PKN2: variants seen among roughly 807,000 people sequenced by gnomAD.
PKN2 encodes serine/threonine-protein kinase N2.
PKN2 carries 38 observed loss-of-function variants against 119.1 expected under a neutral mutation model. The ratio of observed to expected loss-of-function variants is 0.32; its 90% CI spans 0.25 to 0.42. PKN2 has a LOEUF of 0.42. Among genes scored for constraint, PKN2 ranks in the 10% least tolerant of loss-of-function variants. The pLI is 1.00. For synonymous variants in PKN2, 390 were observed against 384.9 expected, an observed-to-expected ratio of 1.01 and a Z score of -0.15; for missense variants, 850 against 1,165.1, an observed-to-expected ratio of 0.73 and a Z score of 3.94.
chr1:88,730,942 C>G (rs1389181880), intron 1 of PKN2, among the ~76,000 whole-genome samples: 1 of 152,228 alleles, frequency 6.6e-6, no homozygotes, highest in Non-Finnish European at 1.5e-5. Context: ...CATAACACAA[C>G]ATTCTAACTG....
intron 8 of PKN2, among the ~76,000 whole-genome samples, chr1:88,793,808 A>T (rs1570640275): frequency 1.3e-5 from 2 of 152,186 alleles, no homozygotes; most frequent in East Asian, 1.9e-4. Context: ...ATAAATTATT[A>T]TACTGTATTG....
chr1:88,744,673 G>A (rs1401599227), intron 2 of PKN2, among the ~76,000 whole-genome samples: 1 of 152,110 alleles, frequency 6.6e-6, no homozygotes, highest in Non-Finnish European at 1.5e-5. Flanking sequence ...CGCCCACCTC[G>A]GCTTCCCAAA....
Position 88,773,962 on chromosome 1 carries a change from A to T in PKN2, c.985+2083A>T, listed in dbSNP as rs536153000. ...GTTTCCAAGGCTACATGCACTCCTG[A>T]CCAACTGTCTACAGATTCCAGGATT... On this transcript the variant is annotated intron_variant, in intron 6 of 21. Coordinates refer to ENST00000370521, the MANE Select transcript of PKN2 (RefSeq NM_006256.4). 4.1e-4 allele frequency among the ~76,000 whole-genome samples: 62 copies of T among 152,292 alleles called. 1 individual carries two copies. The South Asian group carries it at 7.5e-3, about 18-fold the overall frequency.
intron 15 of PKN2, among the ~76,000 whole-genome samples, chr1:88,807,996 T>G (rs997991618): frequency 6.6e-6 from 1 of 152,158 alleles, no homozygotes; most frequent in African/African-American, 2.4e-5. Context: ...CAAAAAAAGA[T>G]AGTGAAATGT....
At chr1:88,687,671 T>G (rs1666157676) in intron 1 of PKN2, among the ~76,000 whole-genome samples, 1 of 152,190 alleles carries the variant, frequency 6.6e-6, no homozygotes, top group Admixed American at 6.5e-5. Context: ...TAAATTCCAT[T>G]CTCAGCAGAT....
chr1:88,737,509 G>A (rs1668402011), intron 1 of PKN2, among the ~76,000 whole-genome samples: 1 of 152,208 alleles, frequency 6.6e-6, no homozygotes, highest in Admixed American at 6.5e-5. Context: ...AAGAATAATG[G>A]GGTCCCAGTC....
intron 1 of PKN2, among the ~76,000 whole-genome samples, chr1:88,704,518 G>A (rs1280723674): frequency 6.6e-6 from 1 of 152,092 alleles, no homozygotes; most frequent in Non-Finnish European, 1.5e-5. Flanking sequence ...AGAGAAAAAT[G>A]GCTAAAACAT....
Position 88,813,548 on chromosome 1 carries a change from C to G in PKN2, c.2103-9C>G, listed in dbSNP as rs375621697. ...TAATCTGCTTATTTTAAAATATTTTCTTTTACAGCCTGATGTGTGAAAAAA... is the reference window on the plus strand; with the variant it reads ...TAATCTGCTTATTTTAAAATATTTTGTTTTACAGCCTGATGTGTGAAAAAA... On this transcript the variant is annotated splice_polypyrimidine_tract_variant and intron_variant, in intron 15 of 21. Coordinates refer to ENST00000370521, the MANE Select transcript of PKN2 (RefSeq NM_006256.4). The G allele has an allele frequency of 2.3e-5, 35 of 1,511,542 alleles. No homozygotes were observed. The highest frequency in any genetic ancestry group is 3.1e-5 in the Non-Finnish European group (35 of 1,119,322). The allele number at this position is 1,511,542 out of a possible 1,614,324, so 93.6% of individuals were successfully genotyped here.
intron 1 of PKN2, among the ~76,000 whole-genome samples, chr1:88,696,311 A>G (rs1032947607): frequency 4.6e-5 from 7 of 152,292 alleles, no homozygotes; most frequent in Admixed American, 2.0e-4. Context: ...CAGAAATTGG[A>G]TTTTTTGAAA....
At chr1:88,784,261 C>T (rs1670478134) in intron 6 of PKN2, among the ~76,000 whole-genome samples, 1 of 150,336 alleles carries the variant, frequency 6.7e-6, no homozygotes. Flanking sequence ...ATAGCTGGGA[C>T]TACAGGCGCA....
chr1:88,756,364 G>A (rs1011478501), intron 2 of PKN2, among the ~76,000 whole-genome samples: 3 of 152,138 alleles, frequency 2.0e-5, no homozygotes, highest in Non-Finnish European at 4.4e-5. Flanking sequence ...AGGAATTTAT[G>A]TTGCGACAAA....
chr1:88,826,730 G>C (rs760451880), intron 18 of PKN2, among the ~76,000 whole-genome samples: 1 of 151,946 alleles, frequency 6.6e-6, no homozygotes, highest in Non-Finnish European at 1.5e-5. Context: ...GACAGAACTG[G>C]AACTTAAACC....
At chr1:88,824,463 C>G in intron 18 of PKN2, 77 bp downstream of exon 18, 1 of 821,376 alleles carries the variant, frequency 1.2e-6, no homozygotes, top group Non-Finnish European at 2.1e-6. Flanking sequence ...TCAAGTTTGT[C>G]TATGGAAAAC....
At chr1:88,787,870 C>CCA (rs1670647414) in intron 8 of PKN2, among the ~76,000 whole-genome samples, 2 of 152,296 alleles carry the variant, frequency 1.3e-5, no homozygotes, top group African/African-American at 4.8e-5. Flanking sequence ...TTGGCAGAAA[C>CCA]CACATTCCCT....
At position 88,705,913 on chromosome 1, in the gene PKN2, A is replaced by T. The variant is rs538480602; in HGVS notation, c.48+21285A>T. On this transcript the variant is annotated intron_variant, in intron 1 of 21. Transcript: ENST00000370521. ...ATTGGTGCTTTTTTATAAGTCTCGGAATCTGGGAGTATTAGTCTTCCAAAT... is the reference window on the plus strand; with the variant it reads ...ATTGGTGCTTTTTTATAAGTCTCGGTATCTGGGAGTATTAGTCTTCCAAAT... Among the ~76,000 whole-genome samples the T allele has an allele frequency of 1.1e-4, 16 of 151,876 alleles. 1 individual carries two copies. The highest frequency in any genetic ancestry group is 3.4e-4 in the African/African-American group (14 of 41,332).
chr1:88,818,482 T>C (rs1672106261), intron 16 of PKN2, among the ~76,000 whole-genome samples: 1 of 151,740 alleles, frequency 6.6e-6, no homozygotes, highest in African/African-American at 2.4e-5. Context: ...ACCCCGTCTC[T>C]ACTAAAAATA....
In PKN2 at chr1:88,825,285, C is replaced by T. The variant is rs111917863; in HGVS notation, c.2419+899C>T. On this transcript the variant is annotated intron_variant, in intron 18 of 21. Transcript: ENST00000370521. ...ATGCTTTTGTTTCTCAGCATCTCTC[C>T]TTAGCCGGCTGCTCTTCACTGCAAT... Among the ~76,000 whole-genome samples the T allele has an allele frequency of 9.9e-3, 1,503 of 152,252 alleles. 21 individuals carry two copies. Among genetic ancestry groups the T allele is most frequent in the African/African-American group, 0.034 (1,422 of 41,534 alleles).
chr1:88,696,347 G>A (rs2100655493), intron 1 of PKN2, among the ~76,000 whole-genome samples: 1 of 152,138 alleles, frequency 6.6e-6, no homozygotes, highest in East Asian at 1.9e-4. Flanking sequence ...TCACTTAAGG[G>A]TAAGATGTAT....
intron 6 of PKN2, among the ~76,000 whole-genome samples, chr1:88,774,307 T>C (rs1480554513): frequency 2.6e-5 from 4 of 152,210 alleles, no homozygotes; most frequent in Non-Finnish European, 5.9e-5. Context: ...GGCCACATGA[T>C]TGAATTCAAT....
Sources: gnomAD v4.1 joint callset for allele counts (sites outside exome capture counted in the v4.1 genomes callset) on GRCh38, gnomAD v4.1.1 for gene constraint, MANE v1.5 for transcripts, NCBI Gene and HGNC (gene_info 2026-07-23, HGNC 2026-07-21) for gene names.